Variants in NHLRC2 observed in about 807,000 individuals in gnomAD.
NHLRC2 encodes the protein NHL repeat-containing protein 2.
NHLRC2 carries 33 observed loss-of-function variants against 68.1 expected under a neutral mutation model. The ratio of observed to expected loss-of-function variants is 0.48; its 90% CI spans 0.37 to 0.65. NHLRC2 has a LOEUF of 0.65. Among genes scored for constraint, NHLRC2 ranks in the 30% least tolerant of loss-of-function variants. The probability of loss-of-function intolerance (pLI) is 0.00; values close to 1 mark genes in which losing one functional copy is unlikely to be tolerated. For synonymous variants in NHLRC2, 311 were observed against 309.6 expected, an observed-to-expected ratio of 1.00 and a Z score of -0.05; for missense variants, 761 against 853.8, an observed-to-expected ratio of 0.89 and a Z score of 1.35.
chr10:113,895,257 A>G (rs1452774536), intron 5 of NHLRC2, among the ~76,000 whole-genome samples: 1 of 152,164 alleles, frequency 6.6e-6, no homozygotes, highest in Non-Finnish European at 1.5e-5. Flanking sequence ...GGGAAAGTTT[A>G]CTCATTCAAC....
At chr10:113,900,320 T>G (rs369228330) in intron 6 of NHLRC2, among the ~76,000 whole-genome samples, 1 of 152,164 alleles carries the variant, frequency 6.6e-6, no homozygotes, top group Non-Finnish European at 1.5e-5. Flanking sequence ...GCCTGAACAG[T>G]GAGATTACCA....
intron 8 of NHLRC2, among the ~76,000 whole-genome samples, chr10:113,902,846 A>G (rs749945104): frequency 6.6e-6 from 1 of 152,242 alleles, no homozygotes; most frequent in African/African-American, 2.4e-5. Flanking sequence ...ATTGCAACCC[A>G]TCAAAGCTGC....
At position 113,902,492 on chromosome 10, in the gene NHLRC2, G is replaced by A. The variant is rs1345772794; in HGVS notation, c.1393G>A (p.Val465Ile). Reference protein sequence around the residue: ...DPMNLFAFGDVDGVGINAKLQ... With the variant: ...DPMNLFAFGDIDGVGINAKLQ... ...AAAGAATTTATTTGCTTTTGGTGAT[G>A]TTGATGGAGTAGGAATCAATGCAAA... Residue 465 changes from valine (V) to isoleucine (I), a missense_variant, in exon 8 of 11, where the codon GTT becomes ATT. Physicochemically the swap from Val to Ile is conservative, Grantham distance 29. Transcript: ENST00000369301. 1.3e-6 allele frequency: 2 copies of A among 1,579,088 alleles called. No homozygotes were observed. Among genetic ancestry groups the A allele is most frequent in the Non-Finnish European group, 1.7e-6 (2 of 1,165,094 alleles).
chr10:113,879,695 G>A lies in NHLRC2; in HGVS notation c.909G>A (p.Lys303=). The A allele has an allele frequency of 1.4e-6, 2 of 1,453,594 alleles. No homozygotes were observed. The highest frequency in any genetic ancestry group is 9.3e-7 in the Non-Finnish European group (1 of 1,070,170). The allele number at this position is 1,453,594 out of a possible 1,614,324, so 90.0% of individuals were successfully genotyped here. ...VADTENHLIR[K]IDLEAEKVST... is the part of the protein sequence containing the mutation. Reference sequence around the variant, plus strand: ...ACACTGAAAACCACCTTATAAGAAAGGTAATTTTCATTTTAAATTTGTTTT... The same window carrying A: ...ACACTGAAAACCACCTTATAAGAAAAGTAATTTTCATTTTAAATTTGTTTT... Residue 303 remains lysine, a splice_region_variant and synonymous_variant, in exon 4 of 11, where the codon AAG becomes AAA. Coordinates refer to ENST00000369301, the MANE Select transcript of NHLRC2 (RefSeq NM_198514.4).
At chr10:113,860,179 AGACGGAT>A (rs1186074243) in intron 2 of NHLRC2, among the ~76,000 whole-genome samples, 1 of 152,150 alleles carries the variant, frequency 6.6e-6, no homozygotes, top group East Asian at 1.9e-4. Flanking sequence ...TTTTTTTAGT[AGACGGAT>A]GACATTTGTG....
chr10:113,876,383 G>T (rs1380109121), intron 2 of NHLRC2, 138 bp from the exon 3 acceptor site: 3 of 484,780 alleles, frequency 6.2e-6, no homozygotes, highest in African/African-American at 6.0e-5. Flanking sequence ...TGCAGTTGAA[G>T]ATCCCAGCGT....
intron 6 of NHLRC2, among the ~76,000 whole-genome samples, chr10:113,899,091 A>G (rs953310264): frequency 1.3e-5 from 2 of 151,872 alleles, no homozygotes; most frequent in African/African-American, 4.8e-5. Context: ...ACATCACTGC[A>G]CTAAGTTTTC....
At chr10:113,870,578 A>G (rs1845913223) in intron 2 of NHLRC2, among the ~76,000 whole-genome samples, 1 of 152,312 alleles carries the variant, frequency 6.6e-6, no homozygotes, top group South Asian at 2.1e-4. Context: ...TTCCATATTT[A>G]GCAATTATAA....
At chr10:113,859,994 C>T (rs553286373) in intron 2 of NHLRC2, among the ~76,000 whole-genome samples, 8 of 152,210 alleles carry the variant, frequency 5.3e-5, no homozygotes, top group East Asian at 1.9e-4. Flanking sequence ...ATTCTTGCTC[C>T]AAGAACAGGT....
chr10:113,894,880 A>G (rs1456211486), intron 5 of NHLRC2, among the ~76,000 whole-genome samples: 1 of 152,178 alleles, frequency 6.6e-6, no homozygotes, highest in Admixed American at 6.5e-5. Context: ...ATTTTATGAA[A>G]AGCCTCCTTT....
chr10:113,914,188 G>GT lies in NHLRC2; in HGVS notation c.*5660dup, dbSNP rs565484144. On this transcript the variant is annotated 3_prime_UTR_variant, in exon 11 of 11. Transcript: ENST00000369301. ...CTTTGTTTTGTTTTGTTTTGTTTTT[G>GT]TTTTTTTTGAGATGGAGTTTTGCTC... The GT allele has an allele frequency of 0.011, 1,603 of 148,478 alleles. 13 individuals are homozygous for GT. The highest frequency in any genetic ancestry group is 0.029 in the South Asian group (135 of 4,638). The allele number at this position is 148,478 out of a possible 1,614,324, so 9.2% of individuals were successfully genotyped here.
Position 113,861,232 on chromosome 10 carries a change from T to G in NHLRC2, c.331+2552T>G, listed in dbSNP as rs758228014. 9.4e-4 allele frequency among the ~76,000 whole-genome samples: 143 copies of G among 152,158 alleles called. 3 individuals are homozygous for G. The highest frequency in any genetic ancestry group is 2.5e-4 in the Non-Finnish European group (17 of 68,020). The stretch of plus-strand genomic sequence containing the variant: ...GAACACCATCAATCAGACCAGCATG[T>G]GCATTTTGGCAGAGAATATTTGAAG... On this transcript the variant is annotated intron_variant, in intron 2 of 10. Transcript: ENST00000369301.
Position 113,874,241 on chromosome 10 carries a change from C to G in NHLRC2, c.332-2280C>G, listed in dbSNP as rs116507478. 3.5e-3 allele frequency among the ~76,000 whole-genome samples: 533 copies of G among 152,266 alleles called. 3 individuals carry two copies. Among genetic ancestry groups the G allele is most frequent in the African/African-American group, 0.012 (501 of 41,534 alleles). ...GCTAAATGCCTTACACAGATTATCT[C>G]TTTTAATCCACCTGACTTATAAGGC... On this transcript the variant is annotated intron_variant, in intron 2 of 10. Coordinates refer to ENST00000369301, the MANE Select transcript of NHLRC2 (RefSeq NM_198514.4).
At chr10:113,889,793 T>C (rs1186436869) in intron 5 of NHLRC2, among the ~76,000 whole-genome samples, 2 of 152,192 alleles carry the variant, frequency 1.3e-5, no homozygotes, top group Non-Finnish European at 2.9e-5. Flanking sequence ...TTCTCTGTCA[T>C]CTTTCATGTC....
At chr10:113,863,932 T>C (rs989563523) in intron 2 of NHLRC2, among the ~76,000 whole-genome samples, 2 of 152,202 alleles carry the variant, frequency 1.3e-5, no homozygotes, top group Non-Finnish European at 2.9e-5. Flanking sequence ...AAAACCTGAA[T>C]AGACCTATAT....
In NHLRC2 at chr10:113,904,781, T is replaced by C. The variant is rs755404530; in HGVS notation, c.1705-36T>C. 3.1e-5 allele frequency: 44 copies of C among 1,437,940 alleles called. No homozygotes were observed. The East Asian group carries it at 9.1e-4, about 30-fold the overall frequency. 89.1% of individuals were successfully genotyped at this position (1,437,940 alleles called of 1,614,324 possible). A position where few individuals can be genotyped will look rare whatever the true frequency, so the allele number is the denominator to read the frequency against. ...TCTCATTCTATAATTAATATAAAGT[T>C]CTTGTGTTTTAATAACAGATTTTCT... On this transcript the variant is annotated intron_variant, in intron 9 of 10. Transcript: ENST00000369301.
intron 9 of NHLRC2, 84 bp from the exon 10 acceptor site, chr10:113,904,733 T>G (rs1452420441): frequency 4.1e-6 from 4 of 980,838 alleles, no homozygotes; most frequent in African/African-American, 3.3e-5. Context: ...ACTTCATTAT[T>G]CTACTAAAGT....
rs1361654619 is a variant in NHLRC2 at position 113,876,958 on chromosome 10, A to C, written c.769A>C (p.Ile257Leu). Residue 257 changes from isoleucine (I) to leucine (L), a missense_variant, in exon 3 of 11, where the codon ATT becomes CTT. Transcript: ENST00000369301. ...TTTGGTCGTTTGGAAGAATGGACAA[A>C]TTCAATATAGCATTGGAGGTAAAAC... ...RILVVWKNGQ[I>L]QYSIGGPNPG... 2 of 1,594,302 alleles carry C rather than the reference A, an allele frequency of 1.3e-6. No individual in the cohort carries two copies. The highest frequency in any genetic ancestry group is 2.7e-5 in the African/African-American group (2 of 73,992).
chr10:113,889,429 G>A (rs186365914), intron 5 of NHLRC2, among the ~76,000 whole-genome samples: 324 of 151,984 alleles, frequency 2.1e-3, no homozygotes, highest in South Asian at 5.6e-3. Context: ...CAGATGACAC[G>A]GAGTTTTGAA....
Sources: gnomAD v4.1 joint callset for allele counts (sites outside exome capture counted in the v4.1 genomes callset) on GRCh38, gnomAD v4.1.1 for gene constraint, MANE v1.5 for transcripts, NCBI Gene and HGNC (gene_info 2026-07-23, HGNC 2026-07-21) for gene names.